The following PCDHGA1 variants were observed in gnomAD, a reference collection of about 807,000 sequenced individuals.
PCDHGA1 encodes protocadherin gamma-A1.
Under a neutral mutation model 58.0 loss-of-function variants are expected in PCDHGA1, and 32 were observed. The ratio of observed to expected loss-of-function variants is 0.55; its 90% confidence interval spans 0.42 to 0.74. The LOEUF is 0.74. PCDHGA1 is among the 30% of genes least tolerant of loss of function. The pLI is 0.00. For missense variants in PCDHGA1, 1,205 were observed against 1,182.3 expected, an observed-to-expected ratio of 1.02 and a Z score of -0.28; for synonymous variants, 498 against 501.1, an observed-to-expected ratio of 0.99 and a Z score of 0.08.
intron 1 of PCDHGA1, chr5:141,394,966 GC>G (rs1294759609): frequency 1.2e-6 from 2 of 1,613,886 alleles, no homozygotes; most frequent in Non-Finnish European, 1.7e-6. Context: ...AGGCTGAGGC[GC>G]TGGCACAAGT....
intron 1 of PCDHGA1, chr5:141,430,640 G>A (rs902915974): frequency 1.1e-6 from 1 of 916,196 alleles, no homozygotes; most frequent in East Asian, 2.7e-5. Flanking sequence ...ATCCCTGGGA[G>A]TATGTGGAAA....
intron 1 of PCDHGA1, among the ~76,000 whole-genome samples, chr5:141,401,851 T>C (rs902809229): frequency 3.9e-5 from 6 of 152,242 alleles, no homozygotes; most frequent in African/African-American, 1.4e-4. Context: ...CACTTACTTT[T>C]AACCTTTCAG....
intron 1 of PCDHGA1, among the ~76,000 whole-genome samples, chr5:141,448,632 T>G (rs1383720361): frequency 1.3e-5 from 2 of 152,106 alleles, no homozygotes; most frequent in Admixed American, 1.3e-4. Context: ...TTCTTCACAT[T>G]ATATCCTTTA....
rs371627839 is a variant in PCDHGA1, at chr5:141,340,977, C to G, written c.2421+7872C>G. ...ACCGTGGCCGTGGCCGACAGGATCC[C>G]CGACATCCTGGCCGACCTGGGCAGC... On this transcript the variant is annotated intron_variant, in intron 1 of 3. Transcript: ENST00000517417. The G allele has an allele frequency of 3.1e-6, 5 of 1,613,800 alleles. No homozygotes were observed. In the African/African-American group the frequency reaches 6.7e-5, roughly 22 times the overall value.
In PCDHGA1 at chr5:141,432,645, C is replaced by T. The variant is rs758701539; in HGVS notation, c.2422-62162C>T. On this transcript the variant is annotated intron_variant, in intron 1 of 3. Coordinates refer to ENST00000517417, the MANE Select transcript of PCDHGA1 (RefSeq NM_018912.3). The surrounding 1 kb of genome is among the most constrained non-coding windows in gnomAD (Gnocchi z 6.0). Reference sequence around the variant, plus strand: ...CTGCACACGGGCGAGGTGCGCACGGCGCGAGCCCTGCTGGACAGAGACGCG... The same window carrying T: ...CTGCACACGGGCGAGGTGCGCACGGTGCGAGCCCTGCTGGACAGAGACGCG... 1 of 1,613,746 alleles carries T rather than the reference C, an allele frequency of 6.2e-7. No homozygotes were observed. Among genetic ancestry groups the T allele is most frequent in the Admixed American group, 1.7e-5 (1 of 60,006 alleles).
At chr5:141,415,562 CT>C in intron 1 of PCDHGA1, 3 of 1,613,960 alleles carry the variant, frequency 1.9e-6, no homozygotes, top group Non-Finnish European at 1.7e-6. Context: ...GATCCTTTGT[CT>C]TTGTTAGATG....
chr5:141,370,428 G>T (rs1480841045), intron 1 of PCDHGA1: 2 of 1,598,192 alleles, frequency 1.3e-6, no homozygotes, highest in Non-Finnish European at 1.7e-6. Context: ...GGGCCCAGCA[G>T]GGCAGAGGCG....
intron 1 of PCDHGA1, among the ~76,000 whole-genome samples, chr5:141,463,316 T>A (rs1290852110): frequency 1.3e-5 from 2 of 151,806 alleles, no homozygotes; most frequent in African/African-American, 2.4e-5. Flanking sequence ...TAATATCTAT[T>A]CCTCAACTCA....
At chr5:141,365,752 G>A in intron 1 of PCDHGA1, 1 of 1,613,696 alleles carries the variant, frequency 6.2e-7, no homozygotes, top group African/African-American at 1.3e-5. Flanking sequence ...TCTTCTCTGT[G>A]ACAGCCCATG....
chr5:141,352,723 C>T, intron 1 of PCDHGA1: 3 of 1,531,564 alleles, frequency 2.0e-6, no homozygotes, highest in Non-Finnish European at 1.8e-6. Flanking sequence ...GGCGCGGTGG[C>T]TCAAGCCTGT....
At chr5:141,355,052 TG>T in intron 1 of PCDHGA1, 1 of 1,201,334 alleles carries the variant, frequency 8.3e-7, no homozygotes, top group Non-Finnish European at 1.1e-6. Context: ...CACAAAGCAC[TG>T]GCTCTGGAGC....
intron 1 of PCDHGA1, chr5:141,423,903 AG>A: frequency 7.8e-7 from 1 of 1,276,130 alleles, no homozygotes. Context: ...TTGATTTCAA[AG>A]GGGCCATTCA....
chr5:141,433,939 A>T (rs1015984226), intron 1 of PCDHGA1, among the ~76,000 whole-genome samples: 2 of 151,714 alleles, frequency 1.3e-5, no homozygotes, highest in Non-Finnish European at 2.9e-5. Context: ...TTATAATTCC[A>T]TTGTTTCTTC....
intron 1 of PCDHGA1, among the ~76,000 whole-genome samples, chr5:141,474,669 C>T (rs983136753): frequency 6.6e-6 from 1 of 152,198 alleles, no homozygotes; most frequent in Non-Finnish European, 1.5e-5. Flanking sequence ...CCTACCTAAC[C>T]TATGTGCCTA....
At chr5:141,390,370 A>G (rs1252386186) in intron 1 of PCDHGA1, 7 of 1,504,066 alleles carry the variant, frequency 4.7e-6, no homozygotes, top group African/African-American at 4.2e-5. Context: ...AGGAAAATAT[A>G]TAATTTTTAG....
At position 141,432,476 on chromosome 5, in the gene PCDHGA1, A is replaced by T. The variant is rs778378071; in HGVS notation, c.2422-62331A>T. On this transcript the variant is annotated intron_variant, in intron 1 of 3. Transcript: ENST00000517417. This position sits in a 1 kb window ranked among gnomAD's most constrained non-coding sequence, Gnocchi z 6.0. ...CCCCGCCCTCCCCACGGACGGTTCC[A>T]CTGGCGTGGAGCTGGCTCCCCGCTC... 4.6e-5 allele frequency: 75 copies of T among 1,613,962 alleles called. No homozygotes were observed. In the South Asian group the frequency reaches 7.9e-4, roughly 17 times the overall value.
intron 1 of PCDHGA1, chr5:141,341,687 A>C: frequency 1.8e-6 from 1 of 571,328 alleles, no homozygotes. Flanking sequence ...TTTCTTCTCC[A>C]TCCCTGGGCA....
intron 2 of PCDHGA1, among the ~76,000 whole-genome samples, chr5:141,504,689 G>A (rs1395389800): frequency 6.6e-6 from 1 of 151,502 alleles, no homozygotes; most frequent in South Asian, 2.1e-4. Context: ...TAAAATAGGA[G>A]GGGCAGGTTC....
At chr5:141,398,644 T>C (rs772408476) in intron 1 of PCDHGA1, 7 of 1,613,908 alleles carry the variant, frequency 4.3e-6, no homozygotes, top group Non-Finnish European at 5.9e-6. Context: ...GTATAAACTC[T>C]CTCTTAACCC....
Sources: gnomAD v4.1 joint callset for allele counts (sites outside exome capture counted in the v4.1 genomes callset) on GRCh38, gnomAD v4.1.1 for gene constraint, Gnocchi (gnomAD v3.1) non-coding constraint, MANE v1.5 for transcripts, NCBI Gene and HGNC (gene_info 2026-07-23, HGNC 2026-07-21) for gene names.